NCAPD3: variants seen among roughly 807,000 people sequenced by gnomAD.
The protein encoded by NCAPD3 is condensin-2 complex subunit D3.
NCAPD3 carries 105 observed loss-of-function variants against 182.9 expected under a neutral mutation model. The observed-to-expected ratio is 0.57, with a 90% confidence interval of 0.49 to 0.68. The LOEUF (loss-of-function observed/expected upper bound fraction) is 0.68. NCAPD3 is among the 30% of genes least tolerant of loss of function. NCAPD3 has a pLI of 0.00. For synonymous variants in NCAPD3, 815 were observed against 679.9 expected (o/e 1.20, Z -3.09); for missense variants, 1,944 against 1,837.0 (o/e 1.06, Z -1.07).
chr11:134,223,995 T>A (rs1476780727), upstream of NCAPD3: 4 of 1,565,930 alleles, frequency 2.6e-6, no homozygotes, highest in South Asian at 2.3e-5. Context: ...GCGCGCCGAG[T>A]CGTTCCTGTG....
At chr11:134,159,440 G>T (rs1943517420) in intron 29 of NCAPD3, among the ~76,000 whole-genome samples, 1 of 152,362 alleles carries the variant, frequency 6.6e-6, no homozygotes, top group South Asian at 2.1e-4. Flanking sequence ...GCTGCCACTT[G>T]TAGATGCTGT....
At chr11:134,189,366 A>C (rs1012979513) in intron 16 of NCAPD3, among the ~76,000 whole-genome samples, 1 of 152,138 alleles carries the variant, frequency 6.6e-6, no homozygotes. Flanking sequence ...TCTTAAATTG[A>C]ACCTTTAGCT....
upstream of NCAPD3, chr11:134,225,222 AAGG>A (rs1192433625): frequency 1.2e-6 from 2 of 1,614,012 alleles, no homozygotes; most frequent in African/African-American, 2.7e-5. Context: ...GGACGGGAAG[AAGG>A]AGAAATATTT....
chr11:134,217,060 A>C lies in NCAPD3; in HGVS notation c.258T>G (p.His86Gln). ...GATAGAACAATGCCACCAGTGTACT[A>C]TGGGAAACATTGTTCTCAATGAAGA... is the stretch of plus-strand genomic sequence containing the variant. ...WTFFIENNVS[H>Q]STLVALFYHF... The change falls in exon 3 of 35, where the codon CAT (histidine) becomes CAG (glutamine). Residue 86 changes from histidine to glutamine, a missense_variant. By Grantham distance (24) the His-to-Gln change is conservative. Transcript: ENST00000534548. 1 of 1,613,602 alleles carries C rather than the reference A, an allele frequency of 6.2e-7. No homozygotes were observed. Among genetic ancestry groups the C allele is most frequent in the Non-Finnish European group, 8.5e-7 (1 of 1,179,816 alleles).
Position 134,177,402 on chromosome 11 carries a change from C to T in NCAPD3, c.2838G>A (p.Val946=), listed in dbSNP as rs1458332611. Residue 946 remains valine, a synonymous_variant, in exon 23 of 35, where the codon GTG becomes GTA. Coordinates refer to ENST00000534548, the MANE Select transcript of NCAPD3 (RefSeq NM_015261.3). ...DLAKKSIPAL[V]RELEVCEDVA... is the part of the protein sequence containing the mutation. ...CGTCCTCACACACCTCGAGCTCTCG[C>T]ACCAGGGCTGGGATGCTCTTCTTTG... 3.1e-6 allele frequency: 5 copies of T among 1,614,260 alleles called. No homozygotes were observed. Among genetic ancestry groups the T allele is most frequent in the Non-Finnish European group, 3.4e-6 (4 of 1,180,050 alleles).
chr11:134,186,763 T>C (rs533680703), intron 16 of NCAPD3, among the ~76,000 whole-genome samples: 3 of 152,270 alleles, frequency 2.0e-5, no homozygotes, highest in Admixed American at 2.0e-4. Context: ...AAGGTAACTG[T>C]AACAAAATAA....
intron 27 of NCAPD3, among the ~76,000 whole-genome samples, chr11:134,167,384 A>C (rs1943868539): frequency 1.1e-5 from 1 of 88,494 alleles, no homozygotes; most frequent in Non-Finnish European, 2.1e-5. Flanking sequence ...TCGTGAGAGG[A>C]GCTTAGGGGA....
upstream of NCAPD3, chr11:134,224,448 C>T (rs1226295413): frequency 1.8e-5 from 3 of 168,106 alleles, no homozygotes; most frequent in Non-Finnish European, 3.9e-5. Context: ...GACAAGACAA[C>T]TGCAGTTCTG....
chr11:134,158,555 T>C, intron 29 of NCAPD3, 60 bp from the exon 30 acceptor site: 1 of 1,528,950 alleles, frequency 6.5e-7, no homozygotes, highest in Middle Eastern at 1.7e-4. Context: ...CAAAAACGGA[T>C]ATATGATAGT....
At position 134,223,945 on chromosome 11, in the gene NCAPD3, C is replaced by G. The variant is rs754796989; in HGVS notation, c.-19G>C. 5 of 1,609,376 alleles carry G rather than the reference C, an allele frequency of 3.1e-6. No homozygotes were observed. In the South Asian group the frequency reaches 4.4e-5, roughly 14 times the overall value. On this transcript the variant is annotated 5_prime_UTR_variant, in exon 1 of 35. Coordinates refer to ENST00000534548, the MANE Select transcript of NCAPD3 (RefSeq NM_015261.3). ...CCACCATGATCCCAGGGCACCGGCT[C>G]GCCGCCGCCGTGCTCAACTTTCAAA...
intron 27 of NCAPD3, among the ~76,000 whole-genome samples, chr11:134,166,879 ACACT>A (rs888071238): frequency 8.4e-6 from 1 of 118,984 alleles, no homozygotes; most frequent in Non-Finnish European, 1.7e-5. Context: ...GGGGAGGCGC[ACACT>A]CACTTGTGAG....
chr11:134,201,155 C>A (rs1944740166), intron 13 of NCAPD3, among the ~76,000 whole-genome samples: 1 of 151,896 alleles, frequency 6.6e-6, no homozygotes, highest in East Asian at 1.9e-4. Flanking sequence ...CTCCTCATAG[C>A]TGGGACTACA....
At chr11:134,159,399 T>A (rs1330660347) in intron 29 of NCAPD3, among the ~76,000 whole-genome samples, 1 of 152,206 alleles carries the variant, frequency 6.6e-6, no homozygotes, top group African/African-American at 2.4e-5. Context: ...TAAGTTGAAT[T>A]TCCTTTTCAG....
chr11:134,166,030 G>A (rs1267019737), intron 27 of NCAPD3, among the ~76,000 whole-genome samples: 1 of 127,348 alleles, frequency 7.9e-6, no homozygotes, highest in African/African-American at 3.1e-5. Context: ...GCTTGGGGGA[G>A]GCGCACACTC....
chr11:134,203,724 G>C lies in NCAPD3; in HGVS notation c.1398C>G (p.Ser466=). 1 of 1,614,146 alleles carries C rather than the reference G, an allele frequency of 6.2e-7. No individual in the cohort carries two copies. Among genetic ancestry groups the C allele is most frequent in the Middle Eastern group, 1.7e-4 (1 of 6,054 alleles). Residue 466 remains serine, a synonymous_variant, in exon 11 of 35, where the codon TCC becomes TCG. Coordinates refer to ENST00000534548, the MANE Select transcript of NCAPD3 (RefSeq NM_015261.3). ...KAPTVRSKAL[S]SFAHCLELTV... is the part of the protein sequence containing the mutation. ...TCAACTCCAGACAGTGTGCAAAGCT[G>C]GACAGTGCCTTGCTGCGGACAGTAG...
At chr11:134,157,847 T>C in intron 31 of NCAPD3, 81 bp downstream of exon 31, 2 of 1,417,036 alleles carry the variant, frequency 1.4e-6, no homozygotes, top group Non-Finnish European at 1.9e-6. Flanking sequence ...ACACACCGCT[T>C]TGAAAGGAAT....
At chr11:134,223,783 C>T (rs1938338908) in intron 1 of NCAPD3, 80 bp downstream of exon 1, 2 of 1,533,396 alleles carry the variant, frequency 1.3e-6, no homozygotes, top group South Asian at 1.2e-5. Context: ...CCACCGGCAC[C>T]CCGGCCCGGG....
In NCAPD3 at chr11:134,209,168, A is replaced by G. The variant is rs1937732357; in HGVS notation, c.771T>C (p.His257=). 6.2e-7 allele frequency: 1 copy of G among 1,613,654 alleles called. No homozygotes were observed. Among genetic ancestry groups the G allele is most frequent in the Non-Finnish European group, 8.5e-7 (1 of 1,179,818 alleles). ...VSLTNFEPVL[H]ECHVTQARAL... is the part of the protein sequence containing the mutation. ...ACCTGGCTTGTGTAACATGACATTC[A>G]TGAAGAACTGGCTCAAAATTAGTTA... The change falls in exon 6 of 35, where the codon CAT becomes CAC. Residue 257 remains histidine, a synonymous_variant. Transcript: ENST00000534548.
chr11:134,184,528 C>T, intron 19 of NCAPD3, 109 bp downstream of exon 19: 2 of 724,518 alleles, frequency 2.8e-6, no homozygotes, highest in Non-Finnish European at 4.5e-6. Flanking sequence ...GGGGGACATC[C>T]TTACACGTCC....
Sources: allele counts gnomAD v4.1 joint callset (sites outside exome capture counted in the v4.1 genomes callset), GRCh38; gene constraint gnomAD v4.1.1; transcripts MANE v1.5; gene names NCBI Gene and HGNC (gene_info 2026-07-23, HGNC 2026-07-21).